The following ARSG variants were observed in gnomAD, a reference collection of about 807,000 sequenced individuals.
ARSG encodes arylsulfatase G, also known as ASG.
A neutral mutation model predicts 50.5 loss-of-function variants in ARSG; 37 were observed. The observed-to-expected ratio is 0.73, with a 90% CI of 0.56 to 0.96. The LOEUF (loss-of-function observed/expected upper bound fraction) is 0.96. ARSG is among the 50% of genes least tolerant of loss of function. The pLI, the probability that ARSG is intolerant of heterozygous loss-of-function variation, is 0.00. For missense variants in ARSG, 629 were observed against 675.3 expected (o/e 0.93, Z 0.76); for synonymous variants, 225 against 254.6 (o/e 0.88, Z 1.11).
chr17:68,398,406 T>C (rs1187095343), intron 10 of ARSG, among the ~76,000 whole-genome samples: 2 of 152,240 alleles, frequency 1.3e-5, no homozygotes, highest in African/African-American at 4.8e-5. Flanking sequence ...CGTGTATATA[T>C]ATGCATATAT....
chr17:68,308,860 C>G (rs1306083880), intron 2 of ARSG, among the ~76,000 whole-genome samples: 1 of 152,266 alleles, frequency 6.6e-6, no homozygotes, highest in Non-Finnish European at 1.5e-5. Context: ...CCCAGTGGAT[C>G]CCGCACCGGC....
chr17:68,264,389 A>G (rs1226606319), intron 1 of ARSG, among the ~76,000 whole-genome samples: 1 of 152,194 alleles, frequency 6.6e-6, no homozygotes, highest in Non-Finnish European at 1.5e-5. Flanking sequence ...AAAGGTTTGG[A>G]CACATTTTGT....
chr17:68,447,656 G>A, the ARSG span, among the ~76,000 whole-genome samples: 2 of 152,260 alleles, frequency 1.3e-5, no homozygotes, highest in Non-Finnish European at 2.9e-5. Flanking sequence ...CTCCTGAAGT[G>A]CTGGGACCAC....
Position 68,372,817 on chromosome 17 carries a change from T to C in ARSG, c.982+2293T>C, listed in dbSNP as rs1405746202. On this transcript the variant is annotated intron_variant, in intron 8 of 11. Transcript: ENST00000621439. Reference sequence around the variant, plus strand: ...TCGTATTAGTCTGGCAGGATAATTGTAGTTACCTAGAAACTGAAGCATTGT... The same window carrying C: ...TCGTATTAGTCTGGCAGGATAATTGCAGTTACCTAGAAACTGAAGCATTGT... Among the ~76,000 whole-genome samples, 2 of 151,844 alleles carry C rather than the reference T, an allele frequency of 1.3e-5. 1 individual carries two copies. Among genetic ancestry groups the C allele is most frequent in the Non-Finnish European group, 2.9e-5 (2 of 68,006 alleles).
At chr17:68,270,999 T>C (rs781911535) in intron 1 of ARSG, 2 of 1,614,142 alleles carry the variant, frequency 1.2e-6, no homozygotes, top group Admixed American at 1.7e-5. Flanking sequence ...ATATGCTGCA[T>C]GACATTAGAC....
At chr17:68,408,122 T>C (rs1320243128) in intron 11 of ARSG, among the ~76,000 whole-genome samples, 1 of 152,106 alleles carries the variant, frequency 6.6e-6, no homozygotes, top group Non-Finnish European at 1.5e-5. Flanking sequence ...TCTACATATT[T>C]CTTTTTTTAT....
intron 5 of ARSG, among the ~76,000 whole-genome samples, chr17:68,354,855 C>A (rs1011152757): frequency 1.3e-5 from 2 of 152,110 alleles, no homozygotes; most frequent in South Asian, 2.1e-4. Context: ...CAGAGTGAGA[C>A]CCTGTGTCAA....
intron 8 of ARSG, among the ~76,000 whole-genome samples, chr17:68,383,988 G>T (rs2080572537): frequency 6.6e-6 from 1 of 152,190 alleles, no homozygotes; most frequent in Admixed American, 6.5e-5. Flanking sequence ...TTCCCGTGTG[G>T]TGTGCTGGGC....
At chr17:68,393,654 G>C (rs1421374670) in intron 9 of ARSG, among the ~76,000 whole-genome samples, 1 of 152,164 alleles carries the variant, frequency 6.6e-6, no homozygotes, top group East Asian at 1.9e-4. Flanking sequence ...ATCACTTGAG[G>C]TCAGGAGTTT....
At chr17:68,296,451 G>A (rs1222452172) in intron 1 of ARSG, among the ~76,000 whole-genome samples, 3 of 152,202 alleles carry the variant, frequency 2.0e-5, no homozygotes, top group African/African-American at 7.2e-5. Context: ...CCCTTTAGGA[G>A]CAGTGCCTCC....
At chr17:68,280,112 G>A (rs2075644263) in intron 1 of ARSG, among the ~76,000 whole-genome samples, 1 of 149,400 alleles carries the variant, frequency 6.7e-6, no homozygotes, top group Non-Finnish European at 1.5e-5. Context: ...AACCTGGGAG[G>A]AGGAGGTTGC....
upstream of ARSG, among the ~76,000 whole-genome samples, chr17:68,286,751 C>T (rs1555754460): frequency 6.6e-6 from 1 of 151,874 alleles, no homozygotes; most frequent in East Asian, 1.9e-4. Context: ...GTGATCTGCC[C>T]GCCTTGGCCT....
chr17:68,303,632 T>C (rs1286829706), intron 1 of ARSG, among the ~76,000 whole-genome samples: 2 of 152,046 alleles, frequency 1.3e-5, no homozygotes, highest in African/African-American at 4.8e-5. Flanking sequence ...GTATTTTTAG[T>C]AGAGATGGGG....
intron 1 of ARSG, among the ~76,000 whole-genome samples, chr17:68,276,390 C>G (rs2075521868): frequency 1.3e-5 from 2 of 152,124 alleles, no homozygotes; most frequent in Admixed American, 1.3e-4. Context: ...GATAACAGTT[C>G]CATGACAGTG....
At chr17:68,375,159 T>C (rs956469017) in intron 8 of ARSG, among the ~76,000 whole-genome samples, 1 of 152,182 alleles carries the variant, frequency 6.6e-6, no homozygotes, top group Non-Finnish European at 1.5e-5. Flanking sequence ...GAGGGCTGGG[T>C]TGCTGATGGG....
At chr17:68,414,673 G>C (rs1416868895) in intron 11 of ARSG, among the ~76,000 whole-genome samples, 3 of 152,034 alleles carry the variant, frequency 2.0e-5, no homozygotes, top group African/African-American at 7.2e-5. Flanking sequence ...TGTTGTTGTT[G>C]TTGTTGGTAA....
intron 7 of ARSG, 142 bp downstream of exon 7, chr17:68,368,886 GC>G (rs1489488984): frequency 1.0e-6 from 1 of 966,348 alleles, no homozygotes; most frequent in Non-Finnish European, 1.5e-6. Context: ...GATAAGGCTT[GC>G]TGGCCTGAAT....
chr17:68,412,679 T>C (rs1397775020), intron 11 of ARSG, among the ~76,000 whole-genome samples: 3 of 152,148 alleles, frequency 2.0e-5, no homozygotes, highest in Non-Finnish European at 4.4e-5. Context: ...CCTTGCTAGA[T>C]TGGGGAAGTT....
At chr17:68,428,623 TG>T in the ARSG span, 1 of 530,492 alleles carries the variant, frequency 1.9e-6, no homozygotes, top group Non-Finnish European at 3.4e-6. Context: ...TTATTAATCC[TG>T]GCACTTTTCC....
Sources: allele counts gnomAD v4.1 joint callset (sites outside exome capture counted in the v4.1 genomes callset), GRCh38; gene constraint gnomAD v4.1.1; transcripts MANE v1.5; gene names NCBI Gene and HGNC (gene_info 2026-07-23, HGNC 2026-07-21).